The following CPT2 variants were observed in gnomAD, a reference collection of about 807,000 sequenced individuals.
The protein encoded by CPT2 is carnitine O-palmitoyltransferase 2, mitochondrial.
In CPT2, 37 loss-of-function variants were observed where a neutral mutation model predicts 48.6. The ratio of observed to expected loss-of-function variants is 0.76; its 90% CI spans 0.59 to 1.00. The LOEUF is 1.00. Ranked by LOEUF, CPT2 falls within the 50% of genes least tolerant of loss-of-function variation. The probability of loss-of-function intolerance (pLI) is 0.00; values close to 1 mark genes in which losing one functional copy is unlikely to be tolerated. For synonymous variants in CPT2, 319 were observed against 326.9 expected (o/e 0.98, Z 0.26); for missense variants, 772 against 825.6 (o/e 0.94, Z 0.80).
intron 4 of CPT2, 58 bp from the exon 5 acceptor site, chr1:53,213,206 G>GT (rs1485525305): frequency 6.3e-7 from 1 of 1,586,962 alleles, no homozygotes; most frequent in Admixed American, 1.7e-5. Flanking sequence ...GAGTTGGGAG[G>GT]TTTTCCTGAG....
chr1:53,202,494 T>G, intron 3 of CPT2, 65 bp downstream of exon 3: 1 of 1,289,650 alleles, frequency 7.8e-7, no homozygotes. Context: ...GTAAGGCATA[T>G]TCTCTCCTGT....
intron 3 of CPT2, among the ~76,000 whole-genome samples, chr1:53,205,128 C>A (rs897082308): frequency 6.6e-6 from 1 of 152,194 alleles, no homozygotes; most frequent in Non-Finnish European, 1.5e-5. Context: ...AGGAAGATGT[C>A]AGACAGTTTG....
chr1:53,197,238 GA>G (rs1645329524), intron 1 of CPT2, 143 bp downstream of exon 1: 1 of 1,033,898 alleles, frequency 9.7e-7, no homozygotes, highest in South Asian at 1.4e-5. Flanking sequence ...CCCTAATCTG[GA>G]AGTCTTGGGA....
At chr1:53,197,201 A>C in intron 1 of CPT2, 106 bp downstream of exon 1, 1 of 1,371,828 alleles carries the variant, frequency 7.3e-7, no homozygotes, top group Non-Finnish European at 1.0e-6. Context: ...TCCGCCCCCA[A>C]GCCCCTACCA....
chr1:53,207,593 C>G (rs1301087976), intron 3 of CPT2: 1 of 152,294 alleles, frequency 6.6e-6, no homozygotes, highest in Non-Finnish European at 1.5e-5. Flanking sequence ...TTCTGAGTAG[C>G]TGGGACTACA....
rs767852112 is a variant in CPT2, at chr1:53,210,929, C to G, written c.1255C>G (p.Leu419Val). The change falls in exon 4 of 5, where the codon CTG becomes GTG. Residue 419 changes from leucine (L) to valine (V), a missense_variant. Physicochemically the swap from Leu to Val is conservative, Grantham distance 32. Coordinates refer to ENST00000371486, the MANE Select transcript of CPT2 (RefSeq NM_000098.3). The part of the protein sequence containing the change: ...TVTVQKLNFE[L>V]TDALKTGITA... ...CACGGTGCAGAAACTCAACTTCGAG[C>G]TGACTGATGCCTTAAAGACTGGCAT... The G allele has an allele frequency of 1.2e-6, 2 of 1,614,210 alleles. No individual in the cohort carries two copies. The highest frequency in any genetic ancestry group is 3.3e-5 in the Admixed American group (2 of 60,028).
chr1:53,213,178 G>A, intron 4 of CPT2, 86 bp from the exon 5 acceptor site: 4 of 1,336,244 alleles, frequency 3.0e-6, no homozygotes, highest in Non-Finnish European at 4.2e-6. Context: ...GCTGTGAGGG[G>A]TATTCCTACC....
chr1:53,211,310 G>C lies in CPT2; in HGVS notation c.1636G>C (p.Ala546Pro). The change falls in exon 4 of 5, where the codon GCA becomes CCA. Residue 546 changes from alanine to proline, a missense_variant. Transcript: ENST00000371486. ...SKYHGQLTKE[A>P]AMGQGFDRHL... ...GTACCATGGCCAGCTGACCAAAGAA[G>C]CAGCAATGGGTGAGGCAGGGGTGGG... 2 of 1,604,500 alleles carry C rather than the reference G, an allele frequency of 1.2e-6. No homozygotes were observed. Among genetic ancestry groups the C allele is most frequent in the Non-Finnish European group, 1.7e-6 (2 of 1,175,712 alleles).
intron 3 of CPT2, among the ~76,000 whole-genome samples, chr1:53,205,268 G>A (rs1417673313): frequency 2.0e-5 from 3 of 152,228 alleles, no homozygotes; most frequent in Non-Finnish European, 2.9e-5. Context: ...TCACTCTACT[G>A]TGCTTTAGCA....
At chr1:53,199,535 A>G (rs1023933762) in intron 1 of CPT2, among the ~76,000 whole-genome samples, 1 of 152,202 alleles carries the variant, frequency 6.6e-6, no homozygotes. Context: ...TCAAATTGCC[A>G]TTGTCTCTAA....
At chr1:53,208,850 A>G (rs1287985638) in intron 3 of CPT2, 2 of 152,212 alleles carry the variant, frequency 1.3e-5, no homozygotes, top group Non-Finnish European at 2.9e-5. Context: ...ACTACTTTAC[A>G]CCTACCAGAA....
At chr1:53,199,413 C>T (rs1645342327) in intron 1 of CPT2, among the ~76,000 whole-genome samples, 1 of 152,210 alleles carries the variant, frequency 6.6e-6, no homozygotes, top group South Asian at 2.1e-4. Context: ...TGGTCTTGAA[C>T]TCCTGGACTC....
chr1:53,200,886 C>A, intron 2 of CPT2, 87 bp downstream of exon 2: 2 of 1,061,878 alleles, frequency 1.9e-6, no homozygotes, highest in Non-Finnish European at 3.0e-6. Context: ...CAGGGAATGT[C>A]TGTGACGTGG....
intron 2 of CPT2, chr1:53,201,038 G>T: frequency 1.8e-6 from 1 of 551,146 alleles, no homozygotes. Context: ...AATGCCAAAT[G>T]TGTACTTTCC....
chr1:53,204,323 CTTAA>C (rs1645372848), intron 3 of CPT2: 1 of 151,978 alleles, frequency 6.6e-6, no homozygotes, highest in Non-Finnish European at 1.5e-5. Flanking sequence ...GGGAGACTTA[CTTAA>C]TTTTAATCTC....
Position 53,210,426 on chromosome 1 carries a change from T to C in CPT2, c.752T>C (p.Phe251Ser). The change falls in exon 4 of 5, where the codon TTT (phenylalanine) becomes TCT (serine). Residue 251 changes from phenylalanine to serine, a missense_variant. By Grantham distance (155) the Phe-to-Ser change is radical. Transcript: ENST00000371486. The part of the protein sequence containing the change: ...RHLLVLRKGN[F>S]YIFDVLDQDG... Reference sequence around the variant, plus strand: ...CTCCTGGTCCTAAGGAAAGGAAATTTTTATATCTTTGATGTCCTGGATCAA... The same window carrying C: ...CTCCTGGTCCTAAGGAAAGGAAATTCTTATATCTTTGATGTCCTGGATCAA... 1 of 1,614,112 alleles carries C rather than the reference T, an allele frequency of 6.2e-7. No individual in the cohort carries two copies.
chr1:53,200,621 AG>A, intron 1 of CPT2, 97 bp from the exon 2 acceptor site: 1 of 942,004 alleles, frequency 1.1e-6, no homozygotes, highest in Non-Finnish European at 1.7e-6. Context: ...GTTTTGGGGG[AG>A]GAAATTAATG....
intron 3 of CPT2, chr1:53,208,491 C>T (rs970462302): frequency 2.6e-5 from 4 of 152,208 alleles, no homozygotes; most frequent in Non-Finnish European, 5.9e-5. Context: ...ACAGGTAAAA[C>T]ATCTATAGGA....
intron 3 of CPT2, among the ~76,000 whole-genome samples, chr1:53,206,832 G>A (rs1029666709): frequency 9.9e-5 from 15 of 152,234 alleles, no homozygotes; most frequent in African/African-American, 3.4e-4. Context: ...ATGCTGGAAT[G>A]AGTTAAGACT....
Sources: gnomAD v4.1 joint callset for allele counts (sites outside exome capture counted in the v4.1 genomes callset) on GRCh38, gnomAD v4.1.1 for gene constraint, MANE v1.5 for transcripts, NCBI Gene and HGNC (gene_info 2026-07-23, HGNC 2026-07-21) for gene names.